The following MAP9 variants were observed in gnomAD, a reference collection of about 807,000 sequenced individuals.
The protein encoded by MAP9 is microtubule-associated protein 9.
A neutral mutation model predicts 75.2 loss-of-function variants in MAP9; 80 were observed. The observed-to-expected ratio is 1.06, with a 90% CI of 0.89 to 1.28. MAP9 has a LOEUF of 1.28. Among genes scored for constraint, MAP9 ranks in the 50% most tolerant of loss-of-function variants. The pLI is 0.00. For synonymous variants in MAP9, 235 were observed against 237.3 expected (o/e 0.99, Z 0.09); for missense variants, 753 against 719.9 (o/e 1.05, Z -0.53).
chr4:155,352,856 T>A, intron 12 of MAP9, 56 bp downstream of exon 12: 6 of 1,437,176 alleles, frequency 4.2e-6, no homozygotes, highest in Non-Finnish European at 5.7e-6. Flanking sequence ...TTTTATAAAA[T>A]CCTGAAGTGT....
Position 155,355,825 on chromosome 4 carries a change from G to A in MAP9, c.1181C>T (p.Thr394Ile), listed in dbSNP as rs772913668. 7 of 1,613,636 alleles carry A rather than the reference G, an allele frequency of 4.3e-6. No individual in the cohort carries two copies. In the East Asian group the frequency reaches 1.1e-4, roughly 26 times the overall value. ...AGTCCCTAAATAGTGAGAAGAGGTA[G>A]TTGTCGATGGAGTTCTCCTTTTAGA... The part of the protein sequence containing the change: ...SSSKRRTPST[T>I]TSSHYLGTLK... The change falls in exon 9 of 14, where the codon ACT becomes ATT. Residue 394 changes from threonine to isoleucine, a missense_variant. By Grantham distance (89) the Thr-to-Ile change is moderately conservative. Coordinates refer to ENST00000311277, the MANE Select transcript of MAP9 (RefSeq NM_001039580.2).
At chr4:155,373,662 A>G (rs532639380) in intron 3 of MAP9, among the ~76,000 whole-genome samples, 2 of 152,280 alleles carry the variant, frequency 1.3e-5, no homozygotes, top group South Asian at 4.2e-4. Context: ...AAAAATTCCA[A>G]TTTCATTAAT....
chr4:155,374,388 T>G (rs1732743643), intron 3 of MAP9, among the ~76,000 whole-genome samples: 1 of 152,128 alleles, frequency 6.6e-6, no homozygotes, highest in Non-Finnish European at 1.5e-5. Flanking sequence ...TTCTGTATGC[T>G]TATACCTGAA....
Position 155,349,920 on chromosome 4 carries a change from G to A in MAP9, c.1822-2015C>T, listed in dbSNP as rs575297126. ...TAGCAAATAGACAATTATATTAACT[G>A]TAATATCAGTTCAAAAGAATCAATA... is the stretch of plus-strand genomic sequence containing the variant. On this transcript the variant is annotated intron_variant, in intron 13 of 13. Coordinates refer to ENST00000311277, the MANE Select transcript of MAP9 (RefSeq NM_001039580.2). 3.5e-4 allele frequency: 61 copies of A among 173,494 alleles called. No homozygotes were observed. In the Middle Eastern group the frequency reaches 0.019, roughly 54 times the overall value. 10.7% of individuals were successfully genotyped at this position (173,494 alleles called of 1,614,324 possible). A position where few individuals can be genotyped will look rare whatever the true frequency, so the allele number is the denominator to read the frequency against.
At chr4:155,364,166 A>G (rs1732217362) in intron 5 of MAP9, among the ~76,000 whole-genome samples, 1 of 152,134 alleles carries the variant, frequency 6.6e-6, no homozygotes, top group Non-Finnish European at 1.5e-5. Context: ...AAGAGAGGCC[A>G]ATAAAAATGG....
In MAP9 at chr4:155,360,393, T is replaced by G; in HGVS notation, c.825A>C (p.Glu275Asp). The G allele has an allele frequency of 1.2e-6, 2 of 1,611,032 alleles. No individual in the cohort carries two copies. Among genetic ancestry groups the G allele is most frequent in the Non-Finnish European group, 1.7e-6 (2 of 1,178,432 alleles). ...SGKDPNEEIT[E>D]NHNSLKSDEN... ...CATCTGATTTCAAGGAATTATGGTT[T>G]TCAGTGATTTCTTCATTTGGATCTA... is the stretch of plus-strand genomic sequence containing the variant. The change falls in exon 7 of 14, where the codon GAA becomes GAC. Residue 275 changes from glutamate to aspartate, a missense_variant. Glu to Asp is a conservative substitution (Grantham distance 45, BLOSUM62 2). Coordinates refer to ENST00000311277, the MANE Select transcript of MAP9 (RefSeq NM_001039580.2).
Position 155,355,733 on chromosome 4 carries a change from T to A in MAP9, c.1273A>T (p.Arg425Trp). The change falls in exon 9 of 14, where the codon AGG becomes TGG. Residue 425 changes from arginine (R) to tryptophan (W), a missense_variant. Coordinates refer to ENST00000311277, the MANE Select transcript of MAP9 (RefSeq NM_001039580.2). The part of the protein sequence containing the change: ...SIEPDRADNI[R>W]AAVYQEWLEK... ...TTTTTTACCTGATAAACAGCTGCCC[T>A]TATGTTATCTGCTCTATCAGGTTCT... 1 of 1,609,792 alleles carries A rather than the reference T, an allele frequency of 6.2e-7. No homozygotes were observed. Among genetic ancestry groups the A allele is most frequent in the Non-Finnish European group, 8.5e-7 (1 of 1,178,860 alleles).
At chr4:155,362,025 A>G in intron 6 of MAP9, 23 bp downstream of exon 6, 1 of 1,365,726 alleles carries the variant, frequency 7.3e-7, no homozygotes, top group South Asian at 1.2e-5. Flanking sequence ...CACATATAAG[A>G]TATAATTATT....
intron 9 of MAP9, 59 bp from the exon 10 acceptor site, chr4:155,355,219 C>G (rs1050591436): frequency 3.8e-6 from 2 of 530,758 alleles, no homozygotes; most frequent in Non-Finnish European, 6.2e-6. Flanking sequence ...AATTAGAATT[C>G]TTTATATTAA....
Position 155,376,811 on chromosome 4 carries a change from A to C in MAP9, c.-105T>G, listed in dbSNP as rs1470894495. 6.5e-6 allele frequency: 1 copy of C among 152,800 alleles called. No individual in the cohort carries two copies. Among genetic ancestry groups the C allele is most frequent in the African/African-American group, 2.4e-5 (1 of 41,452 alleles). The allele number at this position is 152,800 out of a possible 1,614,324, so 9.5% of individuals were successfully genotyped here. ...GCGGCGCCCGCAGAGCCGGTCCTGG[A>C]CCGAGCGAGGAGGAGGGGCTAATAA... On this transcript the variant is annotated 5_prime_UTR_variant, in exon 1 of 14. Transcript: ENST00000311277.
chr4:155,376,850 C>A lies in MAP9; in HGVS notation c.-144G>T, dbSNP rs2111310070. On this transcript the variant is annotated 5_prime_UTR_variant, in exon 1 of 14. Coordinates refer to ENST00000311277, the MANE Select transcript of MAP9 (RefSeq NM_001039580.2). ...AGGGGCTAATAACAGAGGCGGAGGGCGGTTGCTAGGAAACAGCGTCTTCGG... is the reference window on the plus strand; with the variant it reads ...AGGGGCTAATAACAGAGGCGGAGGGAGGTTGCTAGGAAACAGCGTCTTCGG... The A allele has an allele frequency of 6.5e-6, 1 of 152,986 alleles. No homozygotes were observed. The highest frequency in any genetic ancestry group is 2.1e-4 in the South Asian group (1 of 4,818). The allele number at this position is 152,986 out of a possible 1,614,324, so 9.5% of individuals were successfully genotyped here.
chr4:155,366,594 A>C (rs973179078), intron 5 of MAP9, among the ~76,000 whole-genome samples: 2 of 152,210 alleles, frequency 1.3e-5, no homozygotes, highest in African/African-American at 4.8e-5. Context: ...TTTAGCACGA[A>C]AGACACAAAA....
intron 13 of MAP9, chr4:155,350,295 T>C (rs555760967): frequency 4.5e-6 from 2 of 447,124 alleles, no homozygotes; most frequent in Admixed American, 2.5e-5. Flanking sequence ...CTGTAACATG[T>C]ATGTTTATGT....
rs1211523966 is a variant in MAP9, at chr4:155,353,304, A to T, written c.1417T>A (p.Phe473Ile). 6.3e-7 allele frequency: 1 copy of T among 1,596,658 alleles called. No homozygotes were observed. The highest frequency in any genetic ancestry group is 1.8e-5 in the Admixed American group (1 of 56,350). ...TCTTTCATAGCCTTCCAGGCCTCAA[A>T]TGATGCTAATGCTTCTTCTCTTTTA... The part of the protein sequence containing the change: ...AAKREEALAS[F>I]EAWKAMKEKE... Residue 473 changes from phenylalanine to isoleucine, a missense_variant, in exon 11 of 14, where the codon TTT (phenylalanine) becomes ATT (isoleucine). Phe to Ile is a conservative substitution (Grantham distance 21). Transcript: ENST00000311277.
chr4:155,357,623 T>C (rs1372062949), intron 7 of MAP9, 104 bp from the exon 8 acceptor site: 8 of 690,730 alleles, frequency 1.2e-5, no homozygotes, highest in Non-Finnish European at 2.1e-5. Flanking sequence ...GCATCTACTA[T>C]GTGTCAAACA....
At chr4:155,368,333 TTA>T in intron 5 of MAP9, 1 of 594,196 alleles carries the variant, frequency 1.7e-6, no homozygotes, top group East Asian at 2.8e-5. Context: ...CACTGGTGTG[TTA>T]TAGTTTAATT....
rs1182495213 is a variant in MAP9 at position 155,373,417 on chromosome 4, T to C, written c.200A>G (p.Asn67Ser). Reference protein sequence around the residue: ...GDFSDTSADENSVNKKMNDFH... With the variant: ...GDFSDTSADESSVNKKMNDFH... ...GTCATTCATTTTTTTATTAACTGAA[T>C]TTTCATCTGCTGAAGTGTCAGAAAA... Residue 67 changes from asparagine (N) to serine (S), a missense_variant, in exon 4 of 14, where the codon AAT (asparagine) becomes AGT (serine). Transcript: ENST00000311277. 2 of 1,590,508 alleles carry C rather than the reference T, an allele frequency of 1.3e-6. No homozygotes were observed. Among genetic ancestry groups the C allele is most frequent in the Non-Finnish European group, 1.7e-6 (2 of 1,169,072 alleles).
At chr4:155,361,712 G>T (rs562907991) in intron 6 of MAP9, among the ~76,000 whole-genome samples, 1 of 152,114 alleles carries the variant, frequency 6.6e-6, no homozygotes, top group Non-Finnish European at 1.5e-5. Flanking sequence ...ATGTTGTCCT[G>T]CAGAATATCA....
intron 7 of MAP9, among the ~76,000 whole-genome samples, chr4:155,359,246 C>G (rs1021136749): frequency 7.5e-5 from 11 of 147,300 alleles, no homozygotes; most frequent in African/African-American, 2.5e-4. Flanking sequence ...CACACACACA[C>G]AGGAATACTA....
Sources: allele counts gnomAD v4.1 joint callset (sites outside exome capture counted in the v4.1 genomes callset), GRCh38; gene constraint gnomAD v4.1.1; transcripts MANE v1.5; gene names NCBI Gene and HGNC (gene_info 2026-07-23, HGNC 2026-07-21).